ATP8A2: variants seen among roughly 807,000 people sequenced by gnomAD.
ATP8A2 encodes the protein ATPase phospholipid transporting 8A2, also known as phospholipid-transporting ATPase IB.
In ATP8A2, 100 loss-of-function variants were observed where a neutral mutation model predicts 165.6. The observed-to-expected ratio is 0.60, with a 90% confidence interval of 0.51 to 0.71. The LOEUF is 0.71. Among genes scored for constraint, ATP8A2 ranks in the 30% least tolerant of loss-of-function variants. The pLI, the probability that ATP8A2 is intolerant of heterozygous loss-of-function variation, is 0.00. For synonymous variants in ATP8A2, 543 were observed against 548.8 expected, an observed-to-expected ratio of 0.99 and a Z score of 0.15; for missense variants, 1,227 against 1,479.5, an observed-to-expected ratio of 0.83 and a Z score of 2.80.
At chr13:25,883,084 C>T (rs1953034057) in intron 33 of ATP8A2, among the ~76,000 whole-genome samples, 1 of 152,204 alleles carries the variant, frequency 6.6e-6, no homozygotes, top group South Asian at 2.1e-4. Flanking sequence ...GTTAACAGCC[C>T]TGCTCAAGAT....
intron 27 of ATP8A2, among the ~76,000 whole-genome samples, chr13:25,795,973 A>G (rs1373441603): frequency 1.3e-5 from 2 of 151,506 alleles, no homozygotes; most frequent in Non-Finnish European, 2.9e-5. Context: ...TTTAAAAGAC[A>G]GGGTCTTGCT....
intron 2 of ATP8A2, among the ~76,000 whole-genome samples, chr13:25,491,565 C>T (rs180677984): frequency 6.6e-6 from 1 of 152,162 alleles, no homozygotes; most frequent in Non-Finnish European, 1.5e-5. Context: ...AGTGACAGTA[C>T]AGCGTTTATA....
At chr13:25,878,381 A>G (rs1243864784) in intron 33 of ATP8A2, among the ~76,000 whole-genome samples, 2 of 152,058 alleles carry the variant, frequency 1.3e-5, no homozygotes, top group African/African-American at 2.4e-5. Context: ...GGGTTCTTGG[A>G]TCTTGCACAA....
intron 6 of ATP8A2, among the ~76,000 whole-genome samples, chr13:25,537,561 G>A (rs965198919): frequency 7.9e-5 from 12 of 152,166 alleles, no homozygotes; most frequent in Non-Finnish European, 1.6e-4. Context: ...TATATAACTT[G>A]TTCATCATTA....
In ATP8A2 at chr13:26,020,060, A is replaced by G; in HGVS notation, c.*75A>G. On this transcript the variant is annotated 3_prime_UTR_variant, in exon 37 of 37. Coordinates refer to ENST00000381655, the MANE Select transcript of ATP8A2 (RefSeq NM_016529.6). Reference sequence around the variant, plus strand: ...CCCAGTGTTAACACATCTTTGTCAGAGAAGACTGGCGTCAGCAGCCAAAAC... The same window carrying G: ...CCCAGTGTTAACACATCTTTGTCAGGGAAGACTGGCGTCAGCAGCCAAAAC... The G allele has an allele frequency of 1.8e-6, 2 of 1,116,150 alleles. No individual in the cohort carries two copies. The highest frequency in any genetic ancestry group is 2.7e-6 in the Non-Finnish European group (2 of 741,532). The allele number at this position is 1,116,150 out of a possible 1,614,324, so 69.1% of individuals were successfully genotyped here.
At chr13:25,567,280 A>G (rs2039342261) in intron 16 of ATP8A2, 1 of 455,948 alleles carries the variant, frequency 2.2e-6, no homozygotes. Context: ...TTGAATGGAG[A>G]TCTGAGCACA....
At chr13:26,012,461 T>G in intron 35 of ATP8A2, 70 bp from the exon 36 acceptor site, 2 of 1,261,568 alleles carry the variant, frequency 1.6e-6, no homozygotes, top group Non-Finnish European at 2.2e-6. Context: ...TCCCACCCCC[T>G]TCTGTCTGTC....
At chr13:25,518,964 A>G (rs1426346205) in intron 2 of ATP8A2, among the ~76,000 whole-genome samples, 1 of 152,152 alleles carries the variant, frequency 6.6e-6, no homozygotes, top group East Asian at 1.9e-4. Context: ...CCCATCTCCC[A>G]AAAGGAAAAA....
chr13:25,554,511 ATGTG>A (rs145376745), intron 12 of ATP8A2, among the ~76,000 whole-genome samples: 6 of 141,234 alleles, frequency 4.2e-5, no homozygotes, highest in African/African-American at 1.1e-4. Context: ...AATATAAATC[ATGTG>A]TGTGTGTGTG....
chr13:25,560,399 T>C (rs1395714818), intron 15 of ATP8A2, among the ~76,000 whole-genome samples: 1 of 152,038 alleles, frequency 6.6e-6, no homozygotes, highest in Non-Finnish European at 1.5e-5. Flanking sequence ...TATATTAGTT[T>C]TTAAATTAAA....
intron 33 of ATP8A2, among the ~76,000 whole-genome samples, chr13:25,949,348 T>A (rs2139137144): frequency 6.6e-6 from 1 of 152,330 alleles, no homozygotes; most frequent in South Asian, 2.1e-4. Flanking sequence ...GTCCACCCTA[T>A]CTTTATCAGT....
intron 24 of ATP8A2, among the ~76,000 whole-genome samples, chr13:25,666,595 A>G (rs1229834120): frequency 6.6e-6 from 1 of 152,218 alleles, no homozygotes; most frequent in Non-Finnish European, 1.5e-5. Context: ...TTGGAAATAT[A>G]GGAGTTAATT....
chr13:25,531,301 A>G (rs1421979094), intron 4 of ATP8A2, among the ~76,000 whole-genome samples: 4 of 122,116 alleles, frequency 3.3e-5, no homozygotes, highest in Admixed American at 8.6e-5. Context: ...TATATATGTT[A>G]TATATGATAT....
intron 15 of ATP8A2, among the ~76,000 whole-genome samples, chr13:25,561,795 C>T (rs2138122812): frequency 6.6e-6 from 1 of 152,280 alleles, no homozygotes; most frequent in South Asian, 2.1e-4. Context: ...TGCCTCCAGA[C>T]CCTAGTAACC....
intron 10 of ATP8A2, among the ~76,000 whole-genome samples, chr13:25,547,516 G>A (rs888521417): frequency 6.6e-6 from 1 of 152,100 alleles, no homozygotes; most frequent in Non-Finnish European, 1.5e-5. Context: ...CCTGCAGATG[G>A]GACTGTCTAG....
intron 2 of ATP8A2, among the ~76,000 whole-genome samples, chr13:25,479,471 G>T (rs2137570587): frequency 6.6e-6 from 1 of 152,156 alleles, no homozygotes; most frequent in African/African-American, 2.4e-5. Flanking sequence ...CCAATTTGTG[G>T]TTTTGTTGTA....
At chr13:25,986,597 A>G (rs1351780557) in intron 35 of ATP8A2, among the ~76,000 whole-genome samples, 1 of 152,100 alleles carries the variant, frequency 6.6e-6, no homozygotes, top group Non-Finnish European at 1.5e-5. Flanking sequence ...TTCTTTATTC[A>G]TTCCTCTGTT....
intron 1 of ATP8A2, among the ~76,000 whole-genome samples, chr13:25,378,207 T>C (rs2032707784): frequency 1.3e-5 from 2 of 152,090 alleles, no homozygotes; most frequent in Admixed American, 1.3e-4. Flanking sequence ...CATAGATACA[T>C]GTGTGCTTGT....
chr13:25,956,799 G>C (rs1457469703), intron 33 of ATP8A2, among the ~76,000 whole-genome samples: 4 of 152,156 alleles, frequency 2.6e-5, no homozygotes, highest in Non-Finnish European at 4.4e-5. Context: ...TCAAAAAAGA[G>C]CCCATATAGC....
Sources: gnomAD v4.1 joint callset for allele counts (sites outside exome capture counted in the v4.1 genomes callset) on GRCh38, gnomAD v4.1.1 for gene constraint, MANE v1.5 for transcripts, NCBI Gene and HGNC (gene_info 2026-07-23, HGNC 2026-07-21) for gene names.